NKAIN3: variants seen among roughly 807,000 people sequenced by gnomAD.
NKAIN3 encodes sodium/potassium transporting ATPase interacting 3.
NKAIN3 carries 25 observed loss-of-function variants against 30.2 expected under a neutral mutation model. That is an observed-to-expected ratio of 0.83 (90% CI 0.60 to 1.16). The LOEUF (loss-of-function observed/expected upper bound fraction) is 1.16. Among genes scored for constraint, NKAIN3 ranks in the 50% most tolerant of loss-of-function variants. The probability of loss-of-function intolerance (pLI) is 0.00; values close to 1 mark genes in which losing one functional copy is unlikely to be tolerated. For missense variants in NKAIN3, 225 were observed against 254.1 expected (o/e 0.89, Z 0.78); for synonymous variants, 91 against 89.6 (o/e 1.02, Z -0.09).
chr8:62,530,433 C>A (rs890706276), intron 1 of NKAIN3, among the ~76,000 whole-genome samples: 1 of 152,082 alleles, frequency 6.6e-6, no homozygotes, highest in African/African-American at 2.4e-5. Context: ...CACACCCAGA[C>A]ACAGTGATAC....
At chr8:62,430,892 T>C (rs1169050233) in intron 1 of NKAIN3, among the ~76,000 whole-genome samples, 1 of 151,872 alleles carries the variant, frequency 6.6e-6, no homozygotes, top group Admixed American at 6.6e-5. Flanking sequence ...GAAATTCACA[T>C]AGATGTTCAA....
chr8:62,355,949 T>C (rs1350400355), intron 1 of NKAIN3, among the ~76,000 whole-genome samples: 1 of 152,232 alleles, frequency 6.6e-6, no homozygotes, highest in East Asian at 1.9e-4. Flanking sequence ...CTCTAAAAAT[T>C]AACAATGTAG....
chr8:62,435,815 A>C (rs1805155683), intron 1 of NKAIN3, among the ~76,000 whole-genome samples: 1 of 152,210 alleles, frequency 6.6e-6, no homozygotes, highest in Non-Finnish European at 1.5e-5. Flanking sequence ...ACATCTAAGT[A>C]TTCATAAGTT....
At chr8:62,932,523 G>C (rs910429898) in intron 5 of NKAIN3, among the ~76,000 whole-genome samples, 6 of 152,162 alleles carry the variant, frequency 3.9e-5, no homozygotes, top group Non-Finnish European at 7.3e-5. Flanking sequence ...AGACATTTTA[G>C]ATACCAGGGA....
chr8:62,318,642 T>C (rs1421969247), intron 1 of NKAIN3, among the ~76,000 whole-genome samples: 1 of 152,232 alleles, frequency 6.6e-6, no homozygotes, highest in Non-Finnish European at 1.5e-5. Context: ...CGTTTATTGA[T>C]TTGCATATGT....
rs977726148 is a variant in NKAIN3, at chr8:62,486,607, G to T, written c.55-92932G>T. Among the ~76,000 whole-genome samples the T allele has an allele frequency of 3.1e-4, 47 of 152,192 alleles. No individual in the cohort carries two copies. The Middle Eastern group carries it at 0.01, about 33-fold the overall frequency. On this transcript the variant is annotated intron_variant, in intron 1 of 6. Transcript: ENST00000623646. ...ATCTGACGTTTGACTTGGTATCCTTGACCTAAGGCAATGTGAAAAAGTAAT... is the reference window on the plus strand; with the variant it reads ...ATCTGACGTTTGACTTGGTATCCTTTACCTAAGGCAATGTGAAAAAGTAAT...
intron 1 of NKAIN3, among the ~76,000 whole-genome samples, chr8:62,450,498 A>G (rs969261368): frequency 2.6e-5 from 4 of 152,190 alleles, no homozygotes; most frequent in African/African-American, 9.6e-5. Context: ...TAATTACATA[A>G]TTGCTATGTG....
intron 3 of NKAIN3, among the ~76,000 whole-genome samples, chr8:62,690,473 C>T (rs1006239507): frequency 6.6e-6 from 1 of 152,192 alleles, no homozygotes; most frequent in African/African-American, 2.4e-5. Context: ...GAAGTACACG[C>T]TACTATGCTA....
intron 4 of NKAIN3, among the ~76,000 whole-genome samples, chr8:62,890,000 C>A (rs1821255969): frequency 6.6e-6 from 1 of 152,110 alleles, no homozygotes; most frequent in Non-Finnish European, 1.5e-5. Context: ...TATATTAATA[C>A]AAGCTCTATA....
rs532421436 is a variant in NKAIN3, at chr8:62,446,695, C to T, written c.55-132844C>T. 5.7e-3 allele frequency among the ~76,000 whole-genome samples: 872 copies of T among 152,170 alleles called. 9 individuals are homozygous for T. The highest frequency in any genetic ancestry group is 0.02 in the African/African-American group (839 of 41,552). ...GTATGGATTTGACTACGTCAGGTAC[C>T]TCATATAGGTGGAATCCTACAATAT... On this transcript the variant is annotated intron_variant, in intron 1 of 6. Coordinates refer to ENST00000623646, the MANE Select transcript of NKAIN3 (RefSeq NM_001304533.3).
At chr8:62,665,667 C>T (rs1033334546) in intron 3 of NKAIN3, among the ~76,000 whole-genome samples, 1 of 152,136 alleles carries the variant, frequency 6.6e-6, no homozygotes, top group Non-Finnish European at 1.5e-5. Context: ...GATCATTCTT[C>T]ATATAGCCTT....
chr8:62,858,289 A>T (rs2130784125), intron 4 of NKAIN3, among the ~76,000 whole-genome samples: 1 of 152,124 alleles, frequency 6.6e-6, no homozygotes, highest in African/African-American at 2.4e-5. Flanking sequence ...TGTAAGAGGT[A>T]CCTGAAGACT....
intron 3 of NKAIN3, among the ~76,000 whole-genome samples, chr8:62,601,406 C>T (rs930706141): frequency 2.0e-5 from 3 of 152,016 alleles, no homozygotes; most frequent in African/African-American, 7.2e-5. Flanking sequence ...CCTAGAATCA[C>T]AGCCAAACTA....
At chr8:62,310,025 G>T (rs1404787114) in intron 1 of NKAIN3, among the ~76,000 whole-genome samples, 1 of 150,470 alleles carries the variant, frequency 6.6e-6, no homozygotes. Flanking sequence ...TCATAAAATA[G>T]AATGGTTAAT....
At chr8:62,636,641 T>C (rs1041214928) in intron 3 of NKAIN3, among the ~76,000 whole-genome samples, 1 of 152,196 alleles carries the variant, frequency 6.6e-6, no homozygotes, top group African/African-American at 2.4e-5. Context: ...TAAGTACCTC[T>C]AGGGGAGCAT....
intron 1 of NKAIN3, among the ~76,000 whole-genome samples, chr8:62,506,287 T>G (rs79609594): frequency 6.6e-6 from 1 of 151,430 alleles, no homozygotes; most frequent in Non-Finnish European, 1.5e-5. Context: ...TAATTTATAA[T>G]AGAGACTACG....
intron 3 of NKAIN3, among the ~76,000 whole-genome samples, chr8:62,717,925 A>G (rs948626155): frequency 6.6e-6 from 1 of 152,220 alleles, no homozygotes; most frequent in African/African-American, 2.4e-5. Context: ...GCTGATAAAG[A>G]CACACTTGAG....
chr8:62,764,964 T>C (rs558186418), intron 4 of NKAIN3, among the ~76,000 whole-genome samples: 65 of 152,234 alleles, frequency 4.3e-4, no homozygotes, highest in African/African-American at 1.5e-3. Flanking sequence ...TGTCAGGTTC[T>C]CTAGGCGTGG....
intron 6 of NKAIN3, among the ~76,000 whole-genome samples, chr8:62,960,758 A>ACACACAC (rs1490723422): frequency 1.3e-5 from 1 of 74,082 alleles, no homozygotes; most frequent in East Asian, 5.1e-4. Context: ...CACACACACA[A>ACACACAC]GTGATTAGAA....
Sources: allele counts gnomAD v4.1 joint callset (sites outside exome capture counted in the v4.1 genomes callset), GRCh38; gene constraint gnomAD v4.1.1; transcripts MANE v1.5; gene names NCBI Gene and HGNC (gene_info 2026-07-23, HGNC 2026-07-21).